The following ARFGEF1 variants were observed in gnomAD, a reference collection of about 807,000 sequenced individuals.
The protein encoded by ARFGEF1 is ARF guanine nucleotide exchange factor 1, also known as brefeldin A-inhibited guanine nucleotide-exchange protein 1.
ARFGEF1 carries 42 observed loss-of-function variants against 231.0 expected under a neutral mutation model. The observed-to-expected ratio is 0.18, with a 90% CI of 0.14 to 0.24. The LOEUF is 0.24. Among genes scored for constraint, ARFGEF1 ranks in the 10% least tolerant of loss-of-function variants. ARFGEF1 has a pLI of 1.00. For synonymous variants in ARFGEF1, 710 were observed against 732.3 expected (o/e 0.97, Z 0.49); for missense variants, 1,345 against 2,192.0 (o/e 0.61, Z 7.72).
chr8:67,332,790 G>A (rs1249299516), intron 1 of ARFGEF1, among the ~76,000 whole-genome samples: 1 of 152,142 alleles, frequency 6.6e-6, no homozygotes, highest in African/African-American at 2.4e-5. Flanking sequence ...CCAAAAAGCA[G>A]AGTGCAACAC....
intron 1 of ARFGEF1, 71 bp from the exon 2 acceptor site, chr8:67,302,537 C>T: frequency 9.2e-7 from 1 of 1,092,754 alleles, no homozygotes. Context: ...TTCTTAAGTT[C>T]TATAAACTCA....
chr8:67,263,136 C>CT (rs1028053467), intron 14 of ARFGEF1, among the ~76,000 whole-genome samples: 12 of 152,196 alleles, frequency 7.9e-5, no homozygotes, highest in Non-Finnish European at 1.3e-4. Context: ...TTCCCTAAAT[C>CT]TATTTTTAGA....
rs368780304 is a variant in ARFGEF1, at chr8:67,211,587, A to C, written c.4715T>G (p.Ile1572Ser). 7 of 1,540,662 alleles carry C rather than the reference A, an allele frequency of 4.5e-6. No individual in the cohort carries two copies. The Admixed American group carries it at 5.8e-5, about 13-fold the overall frequency. ...AGACCTTGGTTGAATAGAATCATGA[A>C]TATCTACAGACTTCTGTGATATTGT... The part of the protein sequence containing the change: ...LDTISQKSVD[I>S]HDSIQPRSVD... The change falls in exon 34 of 39, where the codon ATT (isoleucine) becomes AGT (serine). Residue 1572 changes from isoleucine to serine, a missense_variant. Physicochemically the swap from Ile to Ser is moderately radical, Grantham distance 142 (BLOSUM62 -2). Transcript: ENST00000262215.
chr8:67,283,644 A>C (rs1285100499), intron 7 of ARFGEF1, among the ~76,000 whole-genome samples: 1 of 152,206 alleles, frequency 6.6e-6, no homozygotes, highest in Non-Finnish European at 1.5e-5. Context: ...AAGGATTCTT[A>C]AGGGGAAAAG....
At chr8:67,293,642 A>G (rs1310830765) in intron 5 of ARFGEF1, among the ~76,000 whole-genome samples, 1 of 152,164 alleles carries the variant, frequency 6.6e-6, no homozygotes, top group Non-Finnish European at 1.5e-5. Context: ...CAATGATAAG[A>G]GCAAAATACA....
rs1838396377 is a variant in ARFGEF1, at chr8:67,203,254, T to G, written c.4960-3A>C. ...ACATCAAAGTCCACCGCATCTCTCT[T>G]TGGAAAACAAACCACCCCAGCATAT... On this transcript the variant is annotated splice_region_variant and splice_polypyrimidine_tract_variant and intron_variant, in intron 35 of 38. Coordinates refer to ENST00000262215, the MANE Select transcript of ARFGEF1 (RefSeq NM_006421.5). 5 of 1,613,212 alleles carry G rather than the reference T, an allele frequency of 3.1e-6. No individual in the cohort carries two copies. In the East Asian group the frequency reaches 1.1e-4, roughly 36 times the overall value.
chr8:67,221,974 C>T (rs1489577907), intron 29 of ARFGEF1, among the ~76,000 whole-genome samples: 23 of 150,760 alleles, frequency 1.5e-4, no homozygotes, highest in Admixed American at 9.2e-4. Flanking sequence ...CCACCACGCC[C>T]GGCTAATTTT....
chr8:67,212,750 T>C (rs972645607), intron 33 of ARFGEF1, among the ~76,000 whole-genome samples: 3 of 152,208 alleles, frequency 2.0e-5, no homozygotes, highest in African/African-American at 7.2e-5. Flanking sequence ...TACGTTAGCT[T>C]GGACTTAAGT....
intron 10 of ARFGEF1, 88 bp downstream of exon 10, chr8:67,271,614 G>A (rs756507946): frequency 1.1e-6 from 1 of 934,196 alleles, no homozygotes; most frequent in Non-Finnish European, 1.6e-6. Context: ...ATTTCATTCT[G>A]GAGAACTTTG....
downstream of ARFGEF1, chr8:67,195,745 G>A: frequency 1.6e-6 from 1 of 617,656 alleles, no homozygotes; most frequent in East Asian, 2.8e-5. Context: ...TGTATATTAT[G>A]TACATAAATA....
At chr8:67,290,352 G>T (rs1012215250) in intron 6 of ARFGEF1, among the ~76,000 whole-genome samples, 11 of 151,904 alleles carry the variant, frequency 7.2e-5, no homozygotes, top group African/African-American at 2.7e-4. Flanking sequence ...CCATTTCTTG[G>T]GTCTTAGTCC....
Position 67,297,140 on chromosome 8 carries a change from G to A in ARFGEF1, c.460-530C>T, listed in dbSNP as rs541439398. Reference sequence around the variant, plus strand: ...TGCGGCAGTAATTTCCACATAATCTGAAAACCATTTAACTGATTTGTTTCA... The same window carrying A: ...TGCGGCAGTAATTTCCACATAATCTAAAAACCATTTAACTGATTTGTTTCA... On this transcript the variant is annotated intron_variant, in intron 4 of 38. Coordinates refer to ENST00000262215, the MANE Select transcript of ARFGEF1 (RefSeq NM_006421.5). Among the ~76,000 whole-genome samples the A allele has an allele frequency of 5.9e-5, 9 of 152,160 alleles. No homozygotes were observed. The South Asian group carries it at 1.7e-3, about 28-fold the overall frequency.
chr8:67,218,168 C>A, intron 30 of ARFGEF1, 30 bp from the exon 31 acceptor site: 2 of 1,269,590 alleles, frequency 1.6e-6, no homozygotes, highest in Non-Finnish European at 2.0e-6. Context: ...ATGAACATCA[C>A]GCCATTAATC....
intron 18 of ARFGEF1, among the ~76,000 whole-genome samples, chr8:67,252,134 T>C (rs1202736170): frequency 6.6e-6 from 1 of 151,714 alleles, no homozygotes; most frequent in Non-Finnish European, 1.5e-5. Flanking sequence ...TAGTCAGGTG[T>C]GGTGGCGCAC....
At chr8:67,252,799 T>C (rs1322056925) in intron 18 of ARFGEF1, among the ~76,000 whole-genome samples, 2 of 152,164 alleles carry the variant, frequency 1.3e-5, no homozygotes, top group South Asian at 2.1e-4. Flanking sequence ...CTGTTTGAGG[T>C]AGAAATTTCT....
At chr8:67,324,779 T>C (rs1807753690) in intron 1 of ARFGEF1, among the ~76,000 whole-genome samples, 1 of 152,210 alleles carries the variant, frequency 6.6e-6, no homozygotes, top group East Asian at 1.9e-4. Flanking sequence ...CAATAAATGT[T>C]TGTTAAATAA....
chr8:67,251,486 A>C, intron 18 of ARFGEF1, 36 bp from the exon 19 acceptor site: 1 of 1,521,990 alleles, frequency 6.6e-7, no homozygotes, highest in Non-Finnish European at 8.8e-7. Flanking sequence ...TTTAAATATA[A>C]AACATTTAAG....
intron 6 of ARFGEF1, 110 bp downstream of exon 6, chr8:67,291,735 GTC>G: frequency 7.2e-7 from 1 of 1,381,604 alleles, no homozygotes; most frequent in Non-Finnish European, 9.9e-7. Flanking sequence ...ACCACAATGT[GTC>G]TGACACACTT....
intron 4 of ARFGEF1, among the ~76,000 whole-genome samples, chr8:67,298,801 T>C (rs1008148709): frequency 2.0e-5 from 3 of 152,218 alleles, no homozygotes; most frequent in African/African-American, 7.2e-5. Context: ...AGTTTCACTC[T>C]GTCACCCAGG....
Sources: gnomAD v4.1 joint callset for allele counts (sites outside exome capture counted in the v4.1 genomes callset) on GRCh38, gnomAD v4.1.1 for gene constraint, MANE v1.5 for transcripts, NCBI Gene and HGNC (gene_info 2026-07-23, HGNC 2026-07-21) for gene names.